THNSL1: variants seen among roughly 807,000 people sequenced by gnomAD.
The protein encoded by THNSL1 is threonine synthase like 1, also known as threonine synthase-like 1.
Under a neutral mutation model 50.4 loss-of-function variants are expected in THNSL1, and 48 were observed. That is an observed-to-expected ratio of 0.95 (90% CI 0.76 to 1.21). The LOEUF (loss-of-function observed/expected upper bound fraction) is 1.21, where lower values mean the gene tolerates loss of function less well. THNSL1 is among the 50% of genes most tolerant of loss of function. The probability of loss-of-function intolerance (pLI) is 0.00; values close to 1 mark genes in which losing one functional copy is unlikely to be tolerated. For missense variants in THNSL1, 896 were observed against 871.7 expected (o/e 1.03, Z -0.35); for synonymous variants, 309 against 306.1 (o/e 1.01, Z -0.10).
At chr10:25,017,107 C>T (rs1004774005) in intron 1 of THNSL1, among the ~76,000 whole-genome samples, 6 of 152,236 alleles carry the variant, frequency 3.9e-5, no homozygotes, top group Non-Finnish European at 7.3e-5. Flanking sequence ...GACTCTTCCT[C>T]TAGGTCGTTC....
At chr10:24,998,185 A>G in the THNSL1 span, among the ~76,000 whole-genome samples, 60 of 152,192 alleles carry the variant, frequency 3.9e-4, no homozygotes, top group African/African-American at 1.4e-3. Context: ...TAAAATGTAC[A>G]TCGCTAGCCG....
At chr10:25,016,539 A>C (rs7095364), upstream of THNSL1, 42,432 of 152,136 alleles carry the variant, frequency 0.28, 6,471 homozygotes, top group East Asian at 0.5. Context: ...GCCTGAGGAG[A>C]TCGGAGTGCT....
the THNSL1 span, among the ~76,000 whole-genome samples, chr10:24,966,516 G>A: frequency 6.6e-6 from 1 of 152,174 alleles, no homozygotes; most frequent in Non-Finnish European, 1.5e-5. Flanking sequence ...TGCAAGCCTG[G>A]TGCCCCAACA....
chr10:25,012,703 C>T (rs1316063042), upstream of THNSL1, among the ~76,000 whole-genome samples: 1 of 152,172 alleles, frequency 6.6e-6, no homozygotes, highest in Non-Finnish European at 1.5e-5. Flanking sequence ...TGGGAAGTAC[C>T]TAACTTGCTT....
Position 25,023,162 on chromosome 10 carries a change from T to G in THNSL1, c.-48-14T>G. On this transcript the variant is annotated splice_polypyrimidine_tract_variant and intron_variant, in intron 2 of 2. Coordinates refer to ENST00000376356, the MANE Select transcript of THNSL1 (RefSeq NM_024838.5). ...ATCTTTTGTTGTTTTTTGTTTGTTT[T>G]GTGTTTTGAAAAGGGCTAAAGCCAA... 6.7e-7 allele frequency: 1 copy of G among 1,497,010 alleles called. No homozygotes were observed. Among genetic ancestry groups the G allele is most frequent in the Non-Finnish European group, 9.0e-7 (1 of 1,113,302 alleles). 92.7% of individuals were successfully genotyped at this position (1,497,010 alleles called of 1,614,324 possible).
chr10:24,973,745 G>A, the THNSL1 span, among the ~76,000 whole-genome samples: 2 of 151,878 alleles, frequency 1.3e-5, no homozygotes, highest in East Asian at 1.9e-4. Flanking sequence ...TTTGATTTAA[G>A]ATAATGATAA....
the THNSL1 span, among the ~76,000 whole-genome samples, chr10:24,994,791 G>A: frequency 2.0e-5 from 3 of 152,142 alleles, no homozygotes; most frequent in South Asian, 2.1e-4. Context: ...GGAGGCTGAG[G>A]TGGGTGGATC....
chr10:24,987,061 T>C, the THNSL1 span, among the ~76,000 whole-genome samples: 1 of 152,232 alleles, frequency 6.6e-6, no homozygotes, highest in South Asian at 2.1e-4. Context: ...TTTCGCCCTC[T>C]GGCCTGAGTT....
the THNSL1 span, among the ~76,000 whole-genome samples, chr10:24,955,161 C>T: frequency 1.6e-4 from 25 of 152,078 alleles, no homozygotes; most frequent in Admixed American, 1.1e-3. Context: ...AGAGAGAGAG[C>T]AAGGGTGTAG....
At chr10:25,000,982 A>C in the THNSL1 span, among the ~76,000 whole-genome samples, 26 of 152,242 alleles carry the variant, frequency 1.7e-4, no homozygotes, top group African/African-American at 5.8e-4. Context: ...CTTTCAAAAG[A>C]ATACTTGCAT....
chr10:25,009,501 G>A, the THNSL1 span, among the ~76,000 whole-genome samples: 1 of 152,194 alleles, frequency 6.6e-6, no homozygotes, highest in South Asian at 2.1e-4. Flanking sequence ...TTAAATCCTT[G>A]TTGATAAGGT....
At chr10:25,010,335 T>C in the THNSL1 span, among the ~76,000 whole-genome samples, 2 of 152,194 alleles carry the variant, frequency 1.3e-5, no homozygotes, top group Admixed American at 6.5e-5. Flanking sequence ...GGGCATCTGA[T>C]GGAAGAAATT....
the THNSL1 span, among the ~76,000 whole-genome samples, chr10:24,968,755 A>G: frequency 1.3e-5 from 2 of 152,162 alleles, no homozygotes; most frequent in African/African-American, 4.8e-5. Flanking sequence ...AAAACCCATA[A>G]TTTCACCTAG....
At chr10:24,974,279 T>TAAA in the THNSL1 span, among the ~76,000 whole-genome samples, 4 of 151,664 alleles carry the variant, frequency 2.6e-5, no homozygotes, top group African/African-American at 7.3e-5. Flanking sequence ...ATGTGATTTT[T>TAAA]AAAAAAAAAT....
the THNSL1 span, among the ~76,000 whole-genome samples, chr10:24,973,575 G>C: frequency 6.6e-6 from 1 of 151,966 alleles, no homozygotes; most frequent in African/African-American, 2.4e-5. Flanking sequence ...CTGTACCACT[G>C]TACCTTATCC....
chr10:25,010,016 C>T, the THNSL1 span, among the ~76,000 whole-genome samples: 1 of 151,968 alleles, frequency 6.6e-6, no homozygotes, highest in African/African-American at 2.4e-5. Context: ...ATAAAGATAC[C>T]CAAAAATGTG....
intron 1 of THNSL1, among the ~76,000 whole-genome samples, chr10:25,017,074 G>A (rs954206397): frequency 6.6e-6 from 1 of 152,172 alleles, no homozygotes; most frequent in Non-Finnish European, 1.5e-5. Context: ...GGTCGGCTCT[G>A]CGCCTGCTCT....
chr10:24,983,693 G>GA, the THNSL1 span: 1 of 152,088 alleles, frequency 6.6e-6, no homozygotes, highest in Non-Finnish European at 1.5e-5. Context: ...CTGTGTTTGT[G>GA]AAAAAAGCCT....
the THNSL1 span, among the ~76,000 whole-genome samples, chr10:24,996,399 G>T: frequency 6.6e-6 from 1 of 152,012 alleles, no homozygotes. Context: ...TCCAGCCTGG[G>T]TGACGGAGTG....
Sources: gnomAD v4.1 joint callset for allele counts (sites outside exome capture counted in the v4.1 genomes callset) on GRCh38, gnomAD v4.1.1 for gene constraint, MANE v1.5 for transcripts, NCBI Gene and HGNC (gene_info 2026-07-23, HGNC 2026-07-21) for gene names.